B3GALT1: variants seen among roughly 807,000 people sequenced by gnomAD.
The protein encoded by B3GALT1 is beta-1,3-galactosyltransferase 1, also known as UDP-Gal:betaGlcNAc beta 1,3-galactosyltransferase, polypeptide 1.
Under a neutral mutation model 23.2 loss-of-function variants are expected in B3GALT1, and 10 were observed. That is an observed-to-expected ratio of 0.43 (90% CI 0.27 to 0.73). B3GALT1 has a LOEUF of 0.73. B3GALT1 is among the 30% of genes least tolerant of loss of function. The probability of loss-of-function intolerance (pLI) is 0.21; values close to 1 mark genes in which losing one functional copy is unlikely to be tolerated. For missense variants in B3GALT1, 299 were observed against 405.4 expected (o/e 0.74, Z 2.25); for synonymous variants, 156 against 141.5 (o/e 1.10, Z -0.73).
At position 167,635,658 on chromosome 2, in the gene B3GALT1, A is replaced by G. The variant is rs190224720; in HGVS notation, c.-409-11251A>G. On this transcript the variant is annotated intron_variant, in intron 2 of 4. Coordinates refer to ENST00000392690, the MANE Select transcript of B3GALT1 (RefSeq NM_020981.4). The stretch of plus-strand genomic sequence containing the variant: ...AAAAAGGGATGTGAAGGACCTCTTT[A>G]AGGAGAACTACAAACCACTACTCAA... Among the ~76,000 whole-genome samples the G allele has an allele frequency of 3.3e-3, 503 of 152,238 alleles. 10 individuals carry two copies. The highest frequency in any genetic ancestry group is 0.025 in the Admixed American group (375 of 15,274).
At chr2:167,667,843 A>G (rs1007835044) in intron 3 of B3GALT1, among the ~76,000 whole-genome samples, 1 of 152,134 alleles carries the variant, frequency 6.6e-6, no homozygotes, top group African/African-American at 2.4e-5. Context: ...CAAGTTATAG[A>G]TTCTTCTAAA....
At chr2:167,435,340 A>AT (rs1347851803) in intron 1 of B3GALT1, among the ~76,000 whole-genome samples, 3 of 150,540 alleles carry the variant, frequency 2.0e-5, no homozygotes, top group Non-Finnish European at 4.4e-5. Context: ...TGTTCTATAT[A>AT]AGAACAGAAA....
rs151267172 is a variant in B3GALT1, at chr2:167,328,144, G to A, written c.-511+34810G>A. ...TGCTAGTATTTTGTTAAGGATTTTT[G>A]TGCCTGTGTTCATCAGAGATGTTGA... On this transcript the variant is annotated intron_variant, in intron 1 of 4. Transcript: ENST00000392690. Among the ~76,000 whole-genome samples the A allele has an allele frequency of 4.3e-3, 654 of 152,190 alleles. 3 individuals are homozygous for A. The highest frequency in any genetic ancestry group is 0.014 in the African/African-American group (601 of 41,540).
At chr2:167,483,938 G>A (rs1440273937) in intron 1 of B3GALT1, among the ~76,000 whole-genome samples, 1 of 152,130 alleles carries the variant, frequency 6.6e-6, no homozygotes, top group Non-Finnish European at 1.5e-5. Context: ...AAAACCCTCT[G>A]TCTCTATTGC....
chr2:167,556,027 G>A (rs1683843041), intron 2 of B3GALT1, among the ~76,000 whole-genome samples: 1 of 152,092 alleles, frequency 6.6e-6, no homozygotes, highest in South Asian at 2.1e-4. Context: ...ATTTTTCTAT[G>A]GATCCCAGGG....
intron 2 of B3GALT1, among the ~76,000 whole-genome samples, chr2:167,638,957 A>G (rs1558933194): frequency 6.6e-6 from 1 of 151,960 alleles, no homozygotes; most frequent in East Asian, 1.9e-4. Context: ...CTGTCCCATC[A>G]TTCTGTGCTT....
intron 3 of B3GALT1, among the ~76,000 whole-genome samples, chr2:167,803,867 C>G (rs66864629): frequency 0.033 from 4,971 of 152,228 alleles, 118 homozygotes; most frequent in South Asian, 0.069. Context: ...AGGCATTTAG[C>G]CCCATGAAAG....
At chr2:167,462,947 G>T (rs1405697931) in intron 1 of B3GALT1, among the ~76,000 whole-genome samples, 1 of 152,010 alleles carries the variant, frequency 6.6e-6, no homozygotes, top group Non-Finnish European at 1.5e-5. Flanking sequence ...AATTTGTTCT[G>T]TGGCACTTTT....
chr2:167,344,080 C>CA (rs1383175493), intron 1 of B3GALT1, among the ~76,000 whole-genome samples: 2 of 151,904 alleles, frequency 1.3e-5, no homozygotes, highest in African/African-American at 2.4e-5. Flanking sequence ...TAGACAATTA[C>CA]AAAAAATACT....
At chr2:167,433,151 C>G (rs141175320) in intron 1 of B3GALT1, among the ~76,000 whole-genome samples, 1 of 152,170 alleles carries the variant, frequency 6.6e-6, no homozygotes, top group Non-Finnish European at 1.5e-5. Flanking sequence ...GATAGTTTTC[C>G]CTTTTCCAGG....
rs112535474 is a variant in B3GALT1 at position 167,480,518 on chromosome 2, C to T, written c.-510-9659C>T. Among the ~76,000 whole-genome samples, 839 of 152,244 alleles carry T rather than the reference C, an allele frequency of 5.5e-3. 12 individuals carry two copies. The highest frequency in any genetic ancestry group is 5.7e-3 in the Non-Finnish European group (385 of 68,022). ...CTCCCATGACATCAAGCTAGAGTGA[C>T]TCTTTAGGCTTGCTGATTGTCAACC... On this transcript the variant is annotated intron_variant, in intron 1 of 4. Transcript: ENST00000392690.
chr2:167,605,281 C>T (rs1178209194), intron 2 of B3GALT1, among the ~76,000 whole-genome samples: 6 of 152,306 alleles, frequency 3.9e-5, no homozygotes, highest in African/African-American at 9.6e-5. Flanking sequence ...CTATCCCAAA[C>T]GTAGTGGCTT....
intron 4 of B3GALT1, among the ~76,000 whole-genome samples, chr2:167,839,999 C>T (rs1388186682): frequency 3.9e-5 from 6 of 152,070 alleles, no homozygotes; most frequent in South Asian, 2.1e-4. Context: ...AAACTGGATC[C>T]CTTCCTTACA....
At chr2:167,362,326 C>A (rs1697511914) in intron 1 of B3GALT1, among the ~76,000 whole-genome samples, 1 of 151,892 alleles carries the variant, frequency 6.6e-6, no homozygotes, top group Non-Finnish European at 1.5e-5. Flanking sequence ...GTATACATTC[C>A]CCACTTTTGC....
At chr2:167,533,909 C>G (rs1056449444) in intron 2 of B3GALT1, among the ~76,000 whole-genome samples, 1 of 152,102 alleles carries the variant, frequency 6.6e-6, no homozygotes, top group African/African-American at 2.4e-5. Flanking sequence ...GACAGGTGTA[C>G]TATTCAAAGG....
At chr2:167,738,366 T>G (rs1003412262) in intron 3 of B3GALT1, among the ~76,000 whole-genome samples, 1 of 152,160 alleles carries the variant, frequency 6.6e-6, no homozygotes, top group Non-Finnish European at 1.5e-5. Context: ...AAATTCAAAT[T>G]AAATGAAAGA....
intron 1 of B3GALT1, among the ~76,000 whole-genome samples, chr2:167,306,665 C>T (rs1269785508): frequency 1.3e-5 from 2 of 152,156 alleles, no homozygotes; most frequent in East Asian, 3.9e-4. Context: ...GTCTTCAAAA[C>T]TGTTCTTTCA....
At chr2:167,396,032 C>T (rs573451415) in intron 1 of B3GALT1, among the ~76,000 whole-genome samples, 40 of 152,152 alleles carry the variant, frequency 2.6e-4, no homozygotes, top group African/African-American at 7.9e-4. Flanking sequence ...TAAAATAGAC[C>T]TGCAGAGACT....
intron 1 of B3GALT1, among the ~76,000 whole-genome samples, chr2:167,315,246 A>G (rs1574029385): frequency 6.6e-6 from 1 of 152,222 alleles, no homozygotes; most frequent in East Asian, 1.9e-4. Flanking sequence ...GTGTAACTCC[A>G]CCTCTTATGA....
Sources: gnomAD v4.1 joint callset for allele counts (sites outside exome capture counted in the v4.1 genomes callset) on GRCh38, gnomAD v4.1.1 for gene constraint, MANE v1.5 for transcripts, NCBI Gene and HGNC (gene_info 2026-07-23, HGNC 2026-07-21) for gene names.